MYO16: variants seen among roughly 807,000 people sequenced by gnomAD.
The protein encoded by MYO16 is myosin XVI, also known as unconventional myosin-XVI.
A neutral mutation model predicts 205.3 loss-of-function variants in MYO16; 94 were observed. The observed-to-expected ratio is 0.46, with a 90% confidence interval of 0.39 to 0.54. MYO16 has a LOEUF of 0.54. MYO16 is among the 20% of genes least tolerant of loss of function. The pLI, the probability that MYO16 is intolerant of heterozygous loss-of-function variation, is 0.00. For synonymous variants in MYO16, 988 were observed against 954.0 expected, an observed-to-expected ratio of 1.04 and a Z score of -0.66; for missense variants, 2,315 against 2,387.5, an observed-to-expected ratio of 0.97 and a Z score of 0.63.
At chr13:108,673,811 C>T (rs185296716) in intron 2 of MYO16, among the ~76,000 whole-genome samples, 111 of 152,202 alleles carry the variant, frequency 7.3e-4, no homozygotes, top group Non-Finnish European at 1.4e-3. Context: ...TATTAATTGT[C>T]GTGTTCAAAG....
At chr13:109,084,252 A>G (rs979346805) in intron 27 of MYO16, among the ~76,000 whole-genome samples, 2 of 152,210 alleles carry the variant, frequency 1.3e-5, no homozygotes, top group Non-Finnish European at 2.9e-5. Flanking sequence ...TAGAGAAGCA[A>G]TGATAGCATT....
Position 109,066,599 on chromosome 13 carries a change from A to G in MYO16, c.3335+11004A>G, listed in dbSNP as rs867373985. Among the ~76,000 whole-genome samples the G allele has an allele frequency of 3.3e-5, 5 of 152,284 alleles. No homozygotes were observed. The South Asian group carries it at 6.2e-4, about 19-fold the overall frequency. On this transcript the variant is annotated intron_variant, in intron 27 of 34. Coordinates refer to ENST00000457511, the MANE Select transcript of MYO16 (RefSeq NM_001198950.3). Reference sequence around the variant, plus strand: ...TATGCTGCTCAGTACATTATGGATCATAAGATTTCCCATATTATTCTTCAA... The same window carrying G: ...TATGCTGCTCAGTACATTATGGATCGTAAGATTTCCCATATTATTCTTCAA...
rs1361313930 is a variant in MYO16 at position 109,185,233 on chromosome 13, T to G, written c.5415+5600T>G. On this transcript the variant is annotated intron_variant, in intron 34 of 34. Coordinates refer to ENST00000457511, the MANE Select transcript of MYO16 (RefSeq NM_001198950.3). ...TTCTAGGTAACAACAATTTCAATAT[T>G]AATTTAATTGGTTTTTAAAGTGAAG... Among the ~76,000 whole-genome samples, 3 of 152,232 alleles carry G rather than the reference T, an allele frequency of 2.0e-5. No homozygotes were observed. In the South Asian group the frequency reaches 6.2e-4, roughly 31 times the overall value.
At chr13:108,709,734 A>C (rs1322948110) in intron 2 of MYO16, among the ~76,000 whole-genome samples, 1 of 135,516 alleles carries the variant, frequency 7.4e-6, no homozygotes, top group African/African-American at 2.7e-5. Flanking sequence ...AACCCTTAGC[A>C]GAGCCATAGA....
intron 4 of MYO16, among the ~76,000 whole-genome samples, chr13:108,740,774 G>A (rs1312759788): frequency 6.6e-6 from 1 of 152,156 alleles, no homozygotes; most frequent in Non-Finnish European, 1.5e-5. Flanking sequence ...GAGCTGTGGT[G>A]AGCTCCACCC....
the MYO16 span, among the ~76,000 whole-genome samples, chr13:108,517,557 G>A: frequency 3.7e-4 from 56 of 152,242 alleles, no homozygotes; most frequent in African/African-American, 9.4e-4. Flanking sequence ...ACCATAACAA[G>A]AGCAGCCTCA....
intron 31 of MYO16, among the ~76,000 whole-genome samples, chr13:109,133,759 C>G (rs1488935960): frequency 6.6e-6 from 1 of 152,162 alleles, no homozygotes; most frequent in Non-Finnish European, 1.5e-5. Context: ...TAAGAAAACT[C>G]TTGATGTAAA....
At chr13:108,760,374 A>G (rs1017725943) in intron 4 of MYO16, among the ~76,000 whole-genome samples, 1 of 115,488 alleles carries the variant, frequency 8.7e-6, no homozygotes, top group Non-Finnish European at 2.0e-5. Flanking sequence ...TGACAACACC[A>G]TCACATGCCT....
intron 2 of MYO16, among the ~76,000 whole-genome samples, chr13:108,692,634 A>G (rs887825761): frequency 6.6e-6 from 1 of 152,124 alleles, no homozygotes; most frequent in Non-Finnish European, 1.5e-5. Flanking sequence ...CTCTTCCTTA[A>G]TGTGTCACAC....
chr13:108,853,454 G>A (rs7990838), intron 10 of MYO16, among the ~76,000 whole-genome samples: 47,638 of 151,936 alleles, frequency 0.31, 7,872 homozygotes, highest in Non-Finnish European at 0.37. Flanking sequence ...TATGCTTGGT[G>A]TAGGTTAATG....
At chr13:109,096,944 C>A (rs1888796906) in intron 27 of MYO16, among the ~76,000 whole-genome samples, 1 of 152,214 alleles carries the variant, frequency 6.6e-6, no homozygotes. Context: ...AATTCAGTTT[C>A]TTTCCCATTT....
At chr13:108,676,644 G>A (rs1882224749) in intron 2 of MYO16, among the ~76,000 whole-genome samples, 1 of 152,150 alleles carries the variant, frequency 6.6e-6, no homozygotes, top group South Asian at 2.1e-4. Flanking sequence ...CACACAGAGG[G>A]AGGGCAGCAT....
chr13:108,881,427 G>C (rs1472162270), intron 12 of MYO16, among the ~76,000 whole-genome samples: 1 of 152,210 alleles, frequency 6.6e-6, no homozygotes, highest in African/African-American at 2.4e-5. Context: ...ATGGAACAAA[G>C]CTGGATGGAG....
intron 16 of MYO16, among the ~76,000 whole-genome samples, chr13:108,917,769 A>T (rs1249847609): frequency 6.6e-6 from 1 of 152,232 alleles, no homozygotes; most frequent in Non-Finnish European, 1.5e-5. Flanking sequence ...AAAAATTCAG[A>T]CTTCTACATT....
At chr13:108,565,171 A>T in the MYO16 span, among the ~76,000 whole-genome samples, 8 of 152,142 alleles carry the variant, frequency 5.3e-5, no homozygotes, top group African/African-American at 1.9e-4. Context: ...AGAATCTTCT[A>T]ATTCTTCCAA....
intron 9 of MYO16, among the ~76,000 whole-genome samples, chr13:108,834,236 G>C (rs903811831): frequency 6.6e-6 from 1 of 152,078 alleles, no homozygotes; most frequent in African/African-American, 2.4e-5. Flanking sequence ...AGCACTTTAG[G>C]AGGGACTTTC....
intron 10 of MYO16, among the ~76,000 whole-genome samples, chr13:108,853,398 G>A (rs1406303828): frequency 6.6e-6 from 1 of 152,174 alleles, no homozygotes; most frequent in South Asian, 2.1e-4. Flanking sequence ...TTAAAGCTAT[G>A]CCCCTAACCC....
Position 108,997,629 on chromosome 13 carries a change from A to G in MYO16, c.2442+5181A>G, listed in dbSNP as rs150577193. On this transcript the variant is annotated intron_variant, in intron 21 of 34. Transcript: ENST00000457511. ...CAAGGCGGTCGGATCACTTGAAGTC[A>G]GGAGTTCAAGACCAGCCTGGCCAAC... is the stretch of plus-strand genomic sequence containing the variant. Among the ~76,000 whole-genome samples the G allele has an allele frequency of 5.7e-3, 866 of 152,212 alleles. 10 individuals carry two copies. Among genetic ancestry groups the G allele is most frequent in the African/African-American group, 0.02 (820 of 41,530 alleles).
chr13:108,554,810 A>AG, the MYO16 span, among the ~76,000 whole-genome samples: 4 of 140,850 alleles, frequency 2.8e-5, no homozygotes, highest in Admixed American at 3.1e-4. Flanking sequence ...AGATCGAGCC[A>AG]CTGCACTCCA....
Sources: allele counts gnomAD v4.1 joint callset (sites outside exome capture counted in the v4.1 genomes callset), GRCh38; gene constraint gnomAD v4.1.1; transcripts MANE v1.5; gene names NCBI Gene and HGNC (gene_info 2026-07-23, HGNC 2026-07-21).